ZC3H12B: variants seen among roughly 807,000 people sequenced by gnomAD.
ZC3H12B encodes the protein zinc finger CCCH-type containing 12B.
In ZC3H12B, 7 loss-of-function variants were observed where a neutral mutation model predicts 43.9. The observed-to-expected ratio is 0.16, with a 90% CI of 0.09 to 0.30. ZC3H12B has a LOEUF of 0.30. Ranked by LOEUF, ZC3H12B falls within the 10% of genes least tolerant of loss-of-function variation. ZC3H12B has a pLI of 1.00. For missense variants in ZC3H12B, 475 were observed against 670.2 expected, an observed-to-expected ratio of 0.71 and a Z score of 3.22; for synonymous variants, 222 against 241.7, an observed-to-expected ratio of 0.92 and a Z score of 0.76.
chrX:65,187,708 G>T, the ZC3H12B span, among the ~76,000 whole-genome samples: 7 of 105,719 alleles, frequency 6.6e-5, no homozygotes, highest in African/African-American at 2.4e-4. Context: ...CATATATGGA[G>T]CACATGAGAT....
the ZC3H12B span, among the ~76,000 whole-genome samples, chrX:65,158,287 C>T: frequency 9.0e-6 from 1 of 111,112 alleles, no homozygotes; most frequent in Admixed American, 9.7e-5. Flanking sequence ...GGTATATAGC[C>T]AGTAATGGAA....
the ZC3H12B span, among the ~76,000 whole-genome samples, chrX:65,071,168 G>A: frequency 7.3e-3 from 801 of 110,032 alleles, 6 homozygotes; most frequent in Non-Finnish European, 0.012. Context: ...AGGATAGTTA[G>A]ATCTTCTTGT....
At chrX:65,074,736 C>T in the ZC3H12B span, among the ~76,000 whole-genome samples, 1 of 111,590 alleles carries the variant, frequency 9.0e-6, no homozygotes, top group African/African-American at 3.3e-5. Context: ...TCTGGTTGAT[C>T]AAGTGTGATA....
intron 2 of ZC3H12B, among the ~76,000 whole-genome samples, chrX:65,369,650 A>C (rs2066219244): frequency 8.9e-6 from 1 of 111,919 alleles, no homozygotes; most frequent in South Asian, 3.7e-4. Flanking sequence ...ACTTTAAAAA[A>C]ATTGCACTAG....
the ZC3H12B span, among the ~76,000 whole-genome samples, chrX:65,309,435 G>C: frequency 8.1e-5 from 9 of 111,715 alleles, no homozygotes; most frequent in Non-Finnish European, 7.5e-5. Flanking sequence ...ACCCTCCCAA[G>C]ACTAAACCAG....
chrX:65,162,261 CGAG>C, the ZC3H12B span, among the ~76,000 whole-genome samples: 1 of 110,811 alleles, frequency 9.0e-6, no homozygotes, highest in African/African-American at 3.3e-5. Flanking sequence ...TTGCTCTTCT[CGAG>C]GAGTATTTTT....
At chrX:65,450,311 A>AT (rs2067456305) in intron 3 of ZC3H12B, among the ~76,000 whole-genome samples, 1 of 89,317 alleles carries the variant, frequency 1.1e-5, no homozygotes, top group Non-Finnish European at 2.1e-5. Context: ...CTCAAAAAAA[A>AT]AATATATATA....
intron 3 of ZC3H12B, among the ~76,000 whole-genome samples, chrX:65,435,681 G>A (rs1189396177): frequency 9.0e-6 from 1 of 110,912 alleles, no homozygotes; most frequent in Non-Finnish European, 1.9e-5. Context: ...TAGATAGATA[G>A]ATAGATAGAT....
the ZC3H12B span, among the ~76,000 whole-genome samples, chrX:65,163,270 G>A: frequency 1.3e-4 from 14 of 111,471 alleles, no homozygotes; most frequent in South Asian, 3.8e-4. Flanking sequence ...CTCCAGCTGC[G>A]TGATGGGAGA....
the ZC3H12B span, among the ~76,000 whole-genome samples, chrX:65,217,636 AT>A: frequency 8.9e-6 from 1 of 112,480 alleles, no homozygotes; most frequent in Non-Finnish European, 1.9e-5. Context: ...ACAAGTAGAA[AT>A]TCTGAAGCTG....
chrX:65,142,031 T>G, the ZC3H12B span, among the ~76,000 whole-genome samples: 1 of 112,217 alleles, frequency 8.9e-6, no homozygotes, highest in African/African-American at 3.2e-5. Flanking sequence ...AGATACCCAG[T>G]AGTGGGATTG....
chrX:65,223,698 G>T, the ZC3H12B span, among the ~76,000 whole-genome samples: 1 of 111,941 alleles, frequency 8.9e-6, no homozygotes, highest in Non-Finnish European at 1.9e-5. Flanking sequence ...TATAGAAATG[G>T]CCAACAAACA....
the ZC3H12B span, among the ~76,000 whole-genome samples, chrX:65,051,806 G>A: frequency 6.3e-5 from 7 of 110,351 alleles, no homozygotes; most frequent in African/African-American, 2.0e-4. Context: ...GCAGGCAGGG[G>A]ATAGGAAACT....
chrX:65,373,915 A>ATATAGTTTATG (rs1556057614), intron 2 of ZC3H12B, among the ~76,000 whole-genome samples: 2 of 62,429 alleles, frequency 3.2e-5, no homozygotes, highest in African/African-American at 1.9e-4. Context: ...ATAGTTATAT[A>ATATAGTTTATG]TATATACTAT....
At chrX:65,282,338 A>C in the ZC3H12B span, among the ~76,000 whole-genome samples, 15 of 111,694 alleles carry the variant, frequency 1.3e-4, no homozygotes, top group Non-Finnish European at 2.6e-4. Context: ...ACAACAACAA[A>C]AAATTAAGTG....
the ZC3H12B span, among the ~76,000 whole-genome samples, chrX:65,201,617 G>T: frequency 3.3e-5 from 3 of 89,996 alleles, no homozygotes; most frequent in Non-Finnish European, 6.6e-5. Context: ...CAGCTATTTT[G>T]AATTCTCTGT....
the ZC3H12B span, among the ~76,000 whole-genome samples, chrX:65,282,447 A>G: frequency 8.9e-6 from 1 of 112,169 alleles, no homozygotes; most frequent in South Asian, 3.7e-4. Context: ...CAACGTAGAA[A>G]AATAAAAGGC....
the ZC3H12B span, among the ~76,000 whole-genome samples, chrX:65,298,534 C>T: frequency 9.0e-6 from 1 of 110,907 alleles, no homozygotes; most frequent in African/African-American, 3.3e-5. Flanking sequence ...TATGGAATAT[C>T]GTATGGAGGT....
the ZC3H12B span, among the ~76,000 whole-genome samples, chrX:65,310,142 C>T: frequency 1.8e-5 from 2 of 111,669 alleles, no homozygotes; most frequent in Admixed American, 9.5e-5. Context: ...GTTGGAAGTT[C>T]GGGCCAGGGC....
Sources: allele counts gnomAD v4.1 joint callset (sites outside exome capture counted in the v4.1 genomes callset), GRCh38; gene constraint gnomAD v4.1.1; transcripts MANE v1.5; gene names NCBI Gene and HGNC (gene_info 2026-07-23, HGNC 2026-07-21).